Variants in TUT4 observed in about 807,000 individuals in gnomAD.
The protein encoded by TUT4 is terminal uridylyl transferase 4.
A neutral mutation model predicts 192.2 loss-of-function variants in TUT4; 36 were observed. The observed-to-expected ratio is 0.19, with a 90% CI of 0.14 to 0.25. The LOEUF is 0.25. TUT4 is among the 10% of genes least tolerant of loss of function. The pLI is 1.00. For synonymous variants in TUT4, 618 were observed against 666.0 expected, an observed-to-expected ratio of 0.93 and a Z score of 1.11; for missense variants, 1,493 against 1,957.2, an observed-to-expected ratio of 0.76 and a Z score of 4.47.
In TUT4 at chr1:52,497,245, T is replaced by C. The variant is rs990039325; in HGVS notation, c.1000-62A>G. 4.8e-6 allele frequency: 7 copies of C among 1,447,834 alleles called. No individual in the cohort carries two copies. In the African/African-American group the frequency reaches 1.0e-4, roughly 21 times the overall value. 89.7% of individuals were successfully genotyped at this position (1,447,834 alleles called of 1,614,324 possible). A position where few individuals can be genotyped will look rare whatever the true frequency, so the allele number is the denominator to read the frequency against. The stretch of plus-strand genomic sequence containing the variant: ...AAAGTTTCTATTTTAATTGTTCTTA[T>C]ATTTAGCAGGGAAAGACAGAAATAA... On this transcript the variant is annotated intron_variant, in intron 4 of 29. Coordinates refer to ENST00000257177, the MANE Select transcript of TUT4 (RefSeq NM_001009881.3).
At chr1:52,542,753 A>T (rs895067138) in intron 1 of TUT4, among the ~76,000 whole-genome samples, 22 of 150,696 alleles carry the variant, frequency 1.5e-4, no homozygotes, top group Admixed American at 5.9e-4. Flanking sequence ...ATTTCTTTTT[A>T]TTTATTTATT....
chr1:52,516,139 C>A, intron 2 of TUT4, 85 bp from the exon 3 acceptor site: 1 of 1,052,448 alleles, frequency 9.5e-7, no homozygotes, highest in Admixed American at 2.6e-5. Flanking sequence ...TAAATTTATA[C>A]ACAGAAAAAA....
intron 4 of TUT4, among the ~76,000 whole-genome samples, chr1:52,507,089 C>T (rs1675803507): frequency 6.6e-6 from 1 of 152,192 alleles, no homozygotes; most frequent in Admixed American, 6.5e-5. Context: ...CGAGGCTTTC[C>T]AGTCTGGATA....
intron 28 of TUT4, among the ~76,000 whole-genome samples, chr1:52,429,940 A>T (rs1372144917): frequency 6.6e-6 from 1 of 151,044 alleles, no homozygotes; most frequent in Non-Finnish European, 1.5e-5. Context: ...GTGTGTATAT[A>T]TGTGTGTGTG....
intron 16 of TUT4, among the ~76,000 whole-genome samples, chr1:52,464,129 G>T (rs974620263): frequency 2.0e-5 from 3 of 152,158 alleles, no homozygotes; most frequent in African/African-American, 7.2e-5. Flanking sequence ...TACCTACCTC[G>T]AAGGTGGTTG....
intron 16 of TUT4, among the ~76,000 whole-genome samples, chr1:52,464,165 T>C (rs1663405902): frequency 6.6e-6 from 1 of 152,170 alleles, no homozygotes; most frequent in African/African-American, 2.4e-5. Flanking sequence ...ATAATGTATG[T>C]AAAAGTGTAT....
chr1:52,443,825 A>G (rs1370300477), intron 24 of TUT4, among the ~76,000 whole-genome samples: 1 of 152,238 alleles, frequency 6.6e-6, no homozygotes, highest in African/African-American at 2.4e-5. Context: ...CCTACTGAAC[A>G]TATGCATATA....
chr1:52,424,685 T>C (rs80186355), intron 29 of TUT4: 8 of 152,264 alleles, frequency 5.3e-5, no homozygotes, highest in African/African-American at 9.6e-5. Flanking sequence ...TCAAAGCCAT[T>C]ATTAGTACTA....
intron 4 of TUT4, among the ~76,000 whole-genome samples, chr1:52,504,569 G>T (rs1675014202): frequency 6.6e-6 from 1 of 152,172 alleles, no homozygotes; most frequent in Non-Finnish European, 1.5e-5. Context: ...GGTGGAGGTT[G>T]TAGTGAGATG....
At chr1:52,490,631 G>T in intron 8 of TUT4, 101 bp downstream of exon 8, 1 of 900,390 alleles carries the variant, frequency 1.1e-6, no homozygotes, top group Non-Finnish European at 1.6e-6. Context: ...TTCATCCAAG[G>T]AGAAATCTAA....
intron 4 of TUT4, among the ~76,000 whole-genome samples, chr1:52,508,473 G>T (rs1374161100): frequency 1.3e-5 from 2 of 151,860 alleles, no homozygotes; most frequent in African/African-American, 4.8e-5. Context: ...CAGTTCATTT[G>T]TTGTTTTCAA....
chr1:52,443,283 C>CAAAAAAAAAATT (rs1656265293), intron 24 of TUT4, among the ~76,000 whole-genome samples: 1 of 114,980 alleles, frequency 8.7e-6, no homozygotes, highest in Non-Finnish European at 1.8e-5. Context: ...GACTCTGTCT[C>CAAAAAAAAAATT]AAAAAAAAAA....
rs79315787 is a variant in TUT4 at position 52,461,691 on chromosome 1, G to T, written c.3127+21C>A. 7.8e-6 allele frequency: 12 copies of T among 1,535,110 alleles called. No individual in the cohort carries two copies. In the South Asian group the frequency reaches 1.5e-4, roughly 19 times the overall value. On this transcript the variant is annotated intron_variant, in intron 17 of 29. Coordinates refer to ENST00000257177, the MANE Select transcript of TUT4 (RefSeq NM_001009881.3). ...CTAAAAAAATTTATTTTGTTTTACA[G>T]ATAAGATTCAAAATTCATACCTGGA...
intron 19 of TUT4, among the ~76,000 whole-genome samples, chr1:52,459,812 G>A (rs943818640): frequency 7.2e-5 from 11 of 152,016 alleles, no homozygotes; most frequent in Admixed American, 2.0e-4. Context: ...AATCTAGGAG[G>A]TGGAGGTTGC....
At chr1:52,437,724 G>A (rs1195291445) in intron 25 of TUT4, 1 of 152,754 alleles carries the variant, frequency 6.5e-6, no homozygotes, top group Non-Finnish European at 1.5e-5. Flanking sequence ...GGAGGCCAAG[G>A]CAGGCAGATC....
intron 16 of TUT4, chr1:52,462,599 G>C (rs1288958410): frequency 5.1e-6 from 2 of 390,684 alleles, no homozygotes; most frequent in Non-Finnish European, 7.0e-6. Flanking sequence ...CTGTCCTGCA[G>C]AGCTGTTGGG....
chr1:52,431,517 AAGT>A lies in TUT4; in HGVS notation c.4264-60_4264-58del, dbSNP rs1652063277. 3 of 1,242,764 alleles carry A rather than the reference AAGT, an allele frequency of 2.4e-6. No homozygotes were observed. The South Asian group carries it at 5.8e-5, about 24-fold the overall frequency. 77.0% of individuals were successfully genotyped at this position (1,242,764 alleles called of 1,614,324 possible). On this transcript the variant is annotated intron_variant, in intron 27 of 29. Coordinates refer to ENST00000257177, the MANE Select transcript of TUT4 (RefSeq NM_001009881.3). ...ATTTATAAACATCTTAATTTTATAA[AAGT>A]AGAGATAAAATACAAAATTAAAAAC...
At chr1:52,508,685 C>T (rs995572930) in intron 4 of TUT4, among the ~76,000 whole-genome samples, 9 of 152,022 alleles carry the variant, frequency 5.9e-5, no homozygotes, top group Non-Finnish European at 1.2e-4. Flanking sequence ...AGTATCCAAC[C>T]CAGACTTGCT....
At position 52,446,681 on chromosome 1, in the gene TUT4, T is replaced by A. The variant is rs1173960432; in HGVS notation, c.3436-14A>T. On this transcript the variant is annotated splice_polypyrimidine_tract_variant and intron_variant, in intron 20 of 29. Coordinates refer to ENST00000257177, the MANE Select transcript of TUT4 (RefSeq NM_001009881.3). Reference sequence around the variant, plus strand: ...TCCATCAAAGATCTGCATAAAAAAATTAATTGTATTATTAGATTTCAAGTG... The same window carrying A: ...TCCATCAAAGATCTGCATAAAAAAAATAATTGTATTATTAGATTTCAAGTG... 6.3e-7 allele frequency: 1 copy of A among 1,584,934 alleles called. No homozygotes were observed. The highest frequency in any genetic ancestry group is 1.4e-5 in the African/African-American group (1 of 73,522).
Sources: gnomAD v4.1 joint callset for allele counts (sites outside exome capture counted in the v4.1 genomes callset) on GRCh38, gnomAD v4.1.1 for gene constraint, MANE v1.5 for transcripts, NCBI Gene and HGNC (gene_info 2026-07-23, HGNC 2026-07-21) for gene names.